The following MACROD2 variants were observed in gnomAD, a reference collection of about 807,000 sequenced individuals.
The protein encoded by MACROD2 is ADP-ribose glycohydrolase MACROD2.
In MACROD2, 36 loss-of-function variants were observed where a neutral mutation model predicts 70.4. The ratio of observed to expected loss-of-function variants is 0.51; its 90% CI spans 0.39 to 0.68. MACROD2 has a LOEUF of 0.68. Among genes scored for constraint, MACROD2 ranks in the 30% least tolerant of loss-of-function variants. The probability of loss-of-function intolerance (pLI) is 0.00; values close to 1 mark genes in which losing one functional copy is unlikely to be tolerated. For missense variants in MACROD2, 496 were observed against 538.4 expected (o/e 0.92, Z 0.78); for synonymous variants, 172 against 178.8 (o/e 0.96, Z 0.30).
chr20:14,784,668 TGGGGG>T lies in MACROD2; in HGVS notation c.418+99718_418+99722del, dbSNP rs3045608. On this transcript the variant is annotated intron_variant, in intron 5 of 17. Coordinates refer to ENST00000684519, the MANE Select transcript of MACROD2 (RefSeq NM_001351661.2). The stretch of plus-strand genomic sequence containing the variant: ...GGTCAGAAAAGGATGGTGTTTTAAG[TGGGGG>T]GGGGGGGGCACCAGATTCAGTTACC... Among the ~76,000 whole-genome samples the T allele has an allele frequency of 5.3e-5, 5 of 94,870 alleles. No individual in the cohort carries two copies. The East Asian group carries it at 1.0e-3, about 20-fold the overall frequency. The allele number at this position is 94,870 out of a possible 152,430, so 62.2% of individuals were successfully genotyped here. A position where few individuals can be genotyped will look rare whatever the true frequency, so the allele number is the denominator to read the frequency against.
At chr20:14,830,997 C>CA (rs2072958961) in intron 5 of MACROD2, among the ~76,000 whole-genome samples, 2 of 152,052 alleles carry the variant, frequency 1.3e-5, no homozygotes. Context: ...GGTGAAATCT[C>CA]AATGTTGGTT....
At chr20:14,258,531 A>G (rs1169482550) in intron 3 of MACROD2, among the ~76,000 whole-genome samples, 4 of 151,996 alleles carry the variant, frequency 2.6e-5, no homozygotes, top group Non-Finnish European at 4.4e-5. Flanking sequence ...AGAATTGTCT[A>G]TTCATATCAT....
At chr20:15,314,365 A>G (rs1354545294) in intron 6 of MACROD2, among the ~76,000 whole-genome samples, 1 of 152,182 alleles carries the variant, frequency 6.6e-6, no homozygotes, top group East Asian at 1.9e-4. Context: ...CCAAGGTGGG[A>G]AAATTGCTTA....
At chr20:15,306,215 C>T (rs1230464113) in intron 6 of MACROD2, among the ~76,000 whole-genome samples, 6 of 152,130 alleles carry the variant, frequency 3.9e-5, no homozygotes, top group Admixed American at 3.9e-4. Context: ...AAGTTGACTC[C>T]CTGTATTCTT....
At chr20:15,433,459 C>CAAAAAAAAAAAAAAAAAAAAAAAAAA (rs60298297) in intron 7 of MACROD2, among the ~76,000 whole-genome samples, 2 of 88,284 alleles carry the variant, frequency 2.3e-5, no homozygotes, top group Non-Finnish European at 4.2e-5. Flanking sequence ...ACAAGAGCTG[C>CAAAAAAAAAAAAAAAAAAAAAAAAAA]AAAAAAAAAA....
chr20:15,068,458 AC>A (rs775500738), intron 5 of MACROD2, among the ~76,000 whole-genome samples: 1 of 151,926 alleles, frequency 6.6e-6, no homozygotes, highest in African/African-American at 2.4e-5. Context: ...TAGAAATGTG[AC>A]CCCCCGTGTT....
At chr20:16,033,861 GT>G (rs1201652538) in intron 15 of MACROD2, among the ~76,000 whole-genome samples, 2 of 151,714 alleles carry the variant, frequency 1.3e-5, no homozygotes, top group Admixed American at 6.6e-5. Context: ...AGGGGGTGGG[GT>G]GGGGGAGAAA....
chr20:14,358,977 A>G (rs1264424009), intron 3 of MACROD2, among the ~76,000 whole-genome samples: 1 of 152,094 alleles, frequency 6.6e-6, no homozygotes, highest in Non-Finnish European at 1.5e-5. Flanking sequence ...GCTTGAGCCC[A>G]GGAGTTCAAG....
Position 15,698,521 on chromosome 20 carries a change from T to G in MACROD2, c.646-164224T>G, listed in dbSNP as rs530437224. 7.2e-5 allele frequency among the ~76,000 whole-genome samples: 11 copies of G among 152,330 alleles called. No individual in the cohort carries two copies. The South Asian group carries it at 2.1e-3, about 29-fold the overall frequency. ...GCTCTTAAAATTCTTTCCTTCGTCT[T>G]AACTTTGGATAACCTGATGACAATG... On this transcript the variant is annotated intron_variant, in intron 8 of 17. Coordinates refer to ENST00000684519, the MANE Select transcript of MACROD2 (RefSeq NM_001351661.2).
intron 6 of MACROD2, among the ~76,000 whole-genome samples, chr20:15,334,528 C>T (rs969285416): frequency 2.6e-5 from 4 of 151,158 alleles, no homozygotes; most frequent in Non-Finnish European, 5.9e-5. Flanking sequence ...CAGCTTTCAA[C>T]TAGGACAATA....
intron 6 of MACROD2, among the ~76,000 whole-genome samples, chr20:15,387,939 C>T (rs949955386): frequency 3.3e-5 from 5 of 151,760 alleles, no homozygotes; most frequent in African/African-American, 1.2e-4. Context: ...TTTGTAGAGA[C>T]AGGGTCTCCC....
At chr20:14,434,351 T>G (rs925537322) in intron 3 of MACROD2, among the ~76,000 whole-genome samples, 1 of 152,208 alleles carries the variant, frequency 6.6e-6, no homozygotes, top group African/African-American at 2.4e-5. Flanking sequence ...CTTTCTACCA[T>G]TTTTAAACTC....
At chr20:14,944,866 C>T (rs1716076956) in intron 5 of MACROD2, among the ~76,000 whole-genome samples, 1 of 152,090 alleles carries the variant, frequency 6.6e-6, no homozygotes, top group South Asian at 2.1e-4. Context: ...CTTCTGCCTG[C>T]CCGTCCCACA....
At chr20:15,979,235 C>G (rs550655160) in intron 13 of MACROD2, among the ~76,000 whole-genome samples, 1 of 152,144 alleles carries the variant, frequency 6.6e-6, no homozygotes, top group African/African-American at 2.4e-5. Flanking sequence ...CTACTTAGCC[C>G]GGGTTGGCTG....
intron 6 of MACROD2, among the ~76,000 whole-genome samples, chr20:15,298,402 G>C (rs897274803): frequency 1.3e-5 from 2 of 152,192 alleles, no homozygotes; most frequent in African/African-American, 4.8e-5. Context: ...CAGGTACCAG[G>C]AGAAGAAACA....
chr20:15,562,880 A>T (rs935617391), intron 8 of MACROD2, among the ~76,000 whole-genome samples: 3 of 152,218 alleles, frequency 2.0e-5, no homozygotes, highest in African/African-American at 7.2e-5. Flanking sequence ...AGATAGTTGC[A>T]TCTGGATGGA....
intron 3 of MACROD2, among the ~76,000 whole-genome samples, chr20:14,236,654 C>CT (rs2081874864): frequency 1.3e-5 from 2 of 152,096 alleles, no homozygotes; most frequent in Non-Finnish European, 2.9e-5. Context: ...GAAGTCCACT[C>CT]TGTTACTTCT....
chr20:15,486,924 C>G (rs1174492159), intron 7 of MACROD2, among the ~76,000 whole-genome samples: 1 of 152,192 alleles, frequency 6.6e-6, no homozygotes, highest in Non-Finnish European at 1.5e-5. Flanking sequence ...ATTTACAAGA[C>G]TGCGGGTTGG....
At chr20:13,997,357 C>G (rs2052677639) in intron 1 of MACROD2, among the ~76,000 whole-genome samples, 1 of 152,022 alleles carries the variant, frequency 6.6e-6, no homozygotes, top group Non-Finnish European at 1.5e-5. Context: ...CTTGTGAGCA[C>G]TGAAAAATCA....
Sources: gnomAD v4.1 joint callset for allele counts (sites outside exome capture counted in the v4.1 genomes callset) on GRCh38, gnomAD v4.1.1 for gene constraint, MANE v1.5 for transcripts, NCBI Gene and HGNC (gene_info 2026-07-23, HGNC 2026-07-21) for gene names.